Variants in CD9 observed in about 807,000 individuals in gnomAD.
The protein encoded by CD9 is CD9 antigen.
In CD9, 10 loss-of-function variants were observed where a neutral mutation model predicts 31.4. The ratio of observed to expected loss-of-function variants is 0.32; its 90% CI spans 0.20 to 0.54. The LOEUF is 0.54. Ranked by LOEUF, CD9 falls within the 20% of genes least tolerant of loss-of-function variation. CD9 has a pLI of 0.94. For missense variants in CD9, 259 were observed against 300.1 expected (o/e 0.86, Z 1.01); for synonymous variants, 113 against 114.1 (o/e 0.99, Z 0.06).
intron 1 of CD9, among the ~76,000 whole-genome samples, chr12:6,202,085 A>G (rs112260563): frequency 5.3e-5 from 8 of 152,276 alleles, no homozygotes; most frequent in African/African-American, 1.9e-4. Flanking sequence ...GGAGCTGGTC[A>G]CTGAGGTCCC....
chr12:6,209,409 AT>A (rs1195526397), intron 1 of CD9, among the ~76,000 whole-genome samples: 1 of 152,182 alleles, frequency 6.6e-6, no homozygotes, highest in Non-Finnish European at 1.5e-5. Flanking sequence ...GGAGTCATCC[AT>A]ACCTCCCTCA....
intron 4 of CD9, chr12:6,234,328 A>C (rs1011451376): frequency 6.6e-6 from 1 of 152,200 alleles, no homozygotes; most frequent in Non-Finnish European, 1.5e-5. Flanking sequence ...CAGGAACCCT[A>C]TTGTTTTGTT....
At chr12:6,220,213 C>A (rs570327196) in intron 1 of CD9, among the ~76,000 whole-genome samples, 1 of 152,270 alleles carries the variant, frequency 6.6e-6, no homozygotes, top group South Asian at 2.1e-4. Flanking sequence ...AAGCAGCAGG[C>A]TTGGCTTAGG....
At chr12:6,236,464 C>T in intron 7 of CD9, 189 bp downstream of exon 7, 1 of 606,604 alleles carries the variant, frequency 1.6e-6, no homozygotes, top group Non-Finnish European at 2.9e-6. Context: ...AAGCCTCTCA[C>T]CTCCTGAGTG....
intron 1 of CD9, among the ~76,000 whole-genome samples, chr12:6,213,580 G>A (rs775876512): frequency 6.6e-6 from 1 of 152,224 alleles, no homozygotes; most frequent in Non-Finnish European, 1.5e-5. Context: ...CTCTCCTTCA[G>A]TTCACTCCTT....
At chr12:6,201,742 C>CA (rs1344490610) in intron 1 of CD9, among the ~76,000 whole-genome samples, 2 of 152,146 alleles carry the variant, frequency 1.3e-5, no homozygotes, top group Non-Finnish European at 2.9e-5. Flanking sequence ...AGTCTTGTAA[C>CA]AAAAAAGTGC....
At chr12:6,221,814 A>C (rs1018802346) in intron 1 of CD9, among the ~76,000 whole-genome samples, 59 of 103,404 alleles carry the variant, frequency 5.7e-4, no homozygotes, top group Admixed American at 3.7e-3. Flanking sequence ...CTGGCTCTAC[A>C]AAAAAAAAAA....
rs1591979566 is a variant in CD9, at chr12:6,232,351, G to A, written c.176-281G>A. 1 of 528,672 alleles carries A rather than the reference G, an allele frequency of 1.9e-6. No homozygotes were observed. Among genetic ancestry groups the A allele is most frequent in the East Asian group, 3.4e-5 (1 of 29,066 alleles). The allele number at this position is 528,672 out of a possible 1,614,324, so 32.7% of individuals were successfully genotyped here. ...GATTCCCGTGGATATTCTCTGTCCTGGATTGAGGGCTAATGGGCACCTTCC... is the reference window on the plus strand; with the variant it reads ...GATTCCCGTGGATATTCTCTGTCCTAGATTGAGGGCTAATGGGCACCTTCC... On this transcript the variant is annotated intron_variant, in intron 2 of 7. Coordinates refer to ENST00000009180, the MANE Select transcript of CD9 (RefSeq NM_001769.4). This position sits in a 1 kb window ranked among gnomAD's most constrained non-coding sequence, Gnocchi z 4.8.
chr12:6,200,553 C>T lies in CD9; in HGVS notation c.54C>T (p.Asn18=). The T allele has an allele frequency of 6.2e-7, 1 of 1,608,740 alleles. No homozygotes were observed. Among genetic ancestry groups the T allele is most frequent in the Non-Finnish European group, 8.5e-7 (1 of 1,176,090 alleles). The change falls in exon 1 of 8, where the codon AAC becomes AAT. Residue 18 remains asparagine, a synonymous_variant. Coordinates refer to ENST00000009180, the MANE Select transcript of CD9 (RefSeq NM_001769.4). ...KCIKYLLFGF[N]FIFWLAGIAV... ...TCAAATACCTGCTGTTCGGATTTAACTTCATCTTCTGGGTGAGTGAGCGCG... is the reference window on the plus strand; with the variant it reads ...TCAAATACCTGCTGTTCGGATTTAATTTCATCTTCTGGGTGAGTGAGCGCG...
At position 6,220,446 on chromosome 12, in the gene CD9, G is replaced by T. The variant is rs574203022; in HGVS notation, c.67-4980G>T. Among the ~76,000 whole-genome samples the T allele has an allele frequency of 1.2e-3, 181 of 152,300 alleles. 1 individual carries two copies. Among genetic ancestry groups the T allele is most frequent in the African/African-American group, 4.0e-3 (167 of 41,576 alleles). ...AGAGATGCAGTGACGAGCCAGTGAG[G>T]ACTTGGAGGTGGTTAAGACGCCAGC... On this transcript the variant is annotated intron_variant, in intron 1 of 7. Coordinates refer to ENST00000009180, the MANE Select transcript of CD9 (RefSeq NM_001769.4).
chr12:6,225,134 G>T, intron 1 of CD9: 2 of 363,808 alleles, frequency 5.5e-6, no homozygotes, highest in Non-Finnish European at 1.0e-5. Flanking sequence ...ATGGTGTTGC[G>T]TGTAGCTAGA....
At chr12:6,236,391 G>C in intron 7 of CD9, 116 bp downstream of exon 7, 1 of 869,948 alleles carries the variant, frequency 1.1e-6, no homozygotes, top group East Asian at 2.6e-5. Context: ...TTGTCCTCGT[G>C]CCCTTAGTAT....
intron 1 of CD9, among the ~76,000 whole-genome samples, chr12:6,219,434 T>C (rs79026730): frequency 6.6e-6 from 1 of 152,178 alleles, no homozygotes; most frequent in Non-Finnish European, 1.5e-5. Flanking sequence ...CCAACCAACC[T>C]TAATGGGGCT....
At position 6,233,417 on chromosome 12, in the gene CD9, C is replaced by T. The variant is rs115553636; in HGVS notation, c.279C>T (p.Phe93=). 686 of 1,613,774 alleles carry T rather than the reference C, an allele frequency of 4.3e-4. 5 individuals carry two copies. The African/African-American group carries it at 7.3e-3, about 17-fold the overall frequency. The part of the protein sequence containing the change: ...QESQCMLGLF[F]GFLLVIFAIE... ...GTCCCCTCGTTGCCTTCCAGTTCTT[C>T]GGCTTCCTCTTGGTGATATTCGCCA... is the stretch of plus-strand genomic sequence containing the variant. Residue 93 remains phenylalanine, a synonymous_variant, in exon 4 of 8, where the codon TTC becomes TTT. Transcript: ENST00000009180.
rs750508705 is a variant in CD9, at chr12:6,235,255, C to T, written c.375C>T (p.Tyr125=). Residue 125 remains tyrosine, a synonymous_variant, in exon 5 of 8, where the codon TAC becomes TAT. Transcript: ENST00000009180. ...TGATTAAGGAAGTCCAGGAGTTTTA[C>T]AAGGACACCTACAACAAGCTGAAAA... ...DEVIKEVQEF[Y]KDTYNKLKTK... 6.2e-7 allele frequency: 1 copy of T among 1,608,002 alleles called. No individual in the cohort carries two copies. The highest frequency in any genetic ancestry group is 2.2e-5 in the East Asian group (1 of 44,656).
intron 2 of CD9, chr12:6,226,294 T>C (rs1025633907): frequency 6.6e-6 from 1 of 152,200 alleles, no homozygotes; most frequent in African/African-American, 2.4e-5. Flanking sequence ...GCCTGGTGCC[T>C]GCCAAGTGCA....
intron 2 of CD9, among the ~76,000 whole-genome samples, chr12:6,226,667 G>T (rs917627987): frequency 1.3e-5 from 2 of 152,100 alleles, no homozygotes; most frequent in African/African-American, 2.4e-5. Flanking sequence ...GCTTTTTATT[G>T]TTAGCTGGGG....
intron 2 of CD9, among the ~76,000 whole-genome samples, chr12:6,229,641 C>T (rs923386265): frequency 3.3e-5 from 5 of 152,160 alleles, no homozygotes; most frequent in African/African-American, 1.2e-4. Context: ...ATTTTGTTCT[C>T]CTTCACACAA....
intron 6 of CD9, chr12:6,235,897 A>G (rs1159261157): frequency 2.2e-6 from 3 of 1,363,860 alleles, no homozygotes; most frequent in African/African-American, 2.9e-5. Flanking sequence ...TTAATGTCCA[A>G]CTCCAGAATA....
Sources: gnomAD v4.1 joint callset for allele counts (sites outside exome capture counted in the v4.1 genomes callset) on GRCh38, gnomAD v4.1.1 for gene constraint, Gnocchi (gnomAD v3.1) non-coding constraint, MANE v1.5 for transcripts, NCBI Gene and HGNC (gene_info 2026-07-23, HGNC 2026-07-21) for gene names.